Variants in NCOR2 observed in about 807,000 individuals in gnomAD.
NCOR2 encodes nuclear receptor corepressor 2, also known as CTG repeat protein 26.
In NCOR2, 81 loss-of-function variants were observed where a neutral mutation model predicts 262.9. The ratio of observed to expected loss-of-function variants is 0.31; its 90% CI spans 0.26 to 0.37. The LOEUF (loss-of-function observed/expected upper bound fraction) is 0.37, where lower values mean the gene tolerates loss of function less well. NCOR2 is among the 10% of genes least tolerant of loss of function. The pLI, the probability that NCOR2 is intolerant of heterozygous loss-of-function variation, is 1.00. For missense variants in NCOR2, 3,385 were observed against 3,621.4 expected (o/e 0.93, Z 1.68); for synonymous variants, 1,659 against 1,559.3 (o/e 1.06, Z -1.51).
rs1221598516 is a variant in NCOR2, at chr12:124,517,153, G to A, written c.-118+18412C>T. Among the ~76,000 whole-genome samples, 1 of 151,982 alleles carries A rather than the reference G, an allele frequency of 6.6e-6. No individual in the cohort carries two copies. On this transcript the variant is annotated intron_variant, in intron 1 of 46. Coordinates refer to the NCOR2 transcript ENST00000404621. The surrounding 1 kb of genome is among the most constrained non-coding windows in gnomAD (Gnocchi z 7.6). ...AGACGAGGAAACTGAGGTCTGCAAA[G>A]GGGAGGCAACACGCCCAAGGTCACA... is the stretch of plus-strand genomic sequence containing the variant.
intron 28 of NCOR2, 70 bp from the exon 31 acceptor site, chr12:124,348,384 A>G: frequency 6.6e-7 from 1 of 1,521,564 alleles, no homozygotes; most frequent in Non-Finnish European, 8.8e-7. Context: ...CAGGCAGGAC[A>G]GGCAGAGCCG....
At chr12:124,478,629 A>T (rs1379926315) in intron 3 of NCOR2, among the ~76,000 whole-genome samples, 1 of 152,066 alleles carries the variant, frequency 6.6e-6, no homozygotes, top group East Asian at 1.9e-4. Context: ...CACGGCCTGG[A>T]GCAATTACTG....
chr12:124,335,040 C>T, intron 40 of NCOR2, 95 bp downstream of exon 42: 1 of 1,589,528 alleles, frequency 6.3e-7, no homozygotes. Context: ...GCCACCCCGC[C>T]AGGACAGAAG....
exon 23 of NCOR2, chr12:124,356,729 C>A: frequency 2.7e-6 from 4 of 1,498,834 alleles, no homozygotes; most frequent in Non-Finnish European, 3.5e-6. Flanking sequence ...AAGGGCAGGC[C>A]GGAAGTCCAG....
intron 43 of NCOR2, 54 bp downstream of exon 45, chr12:124,332,265 G>A (rs2035264183): frequency 6.2e-7 from 1 of 1,604,156 alleles, no homozygotes; most frequent in Non-Finnish European, 8.5e-7. Context: ...GCCCAGGCAG[G>A]CCACCCGCCC....
At chr12:124,534,839 G>T (rs903140108) in intron 1 of NCOR2, among the ~76,000 whole-genome samples, 1 of 152,218 alleles carries the variant, frequency 6.6e-6, no homozygotes, top group Non-Finnish European at 1.5e-5. Flanking sequence ...ACCCATTCTG[G>T]AGTGTTGCTG....
chr12:124,348,062 A>T, intron 29 of NCOR2, 112 bp downstream of exon 31: 1 of 1,535,884 alleles, frequency 6.5e-7, no homozygotes, highest in Admixed American at 1.8e-5. Context: ...CTACCTCCAG[A>T]TGGAGCCTCA....
At chr12:124,562,800 G>T (rs780807704) in intron 1 of NCOR2, among the ~76,000 whole-genome samples, 2 of 152,176 alleles carry the variant, frequency 1.3e-5, no homozygotes, top group African/African-American at 4.8e-5. Flanking sequence ...GTTGATATCC[G>T]AGCAGCCTGT....
intron 11 of NCOR2, among the ~76,000 whole-genome samples, chr12:124,423,636 G>A (rs576418481): frequency 3.9e-5 from 6 of 152,220 alleles, no homozygotes; most frequent in Non-Finnish European, 7.4e-5. Context: ...TTTCCTCTCC[G>A]CTCCCTCTCC....
chr12:124,476,920 A>G (rs924421565), intron 3 of NCOR2, among the ~76,000 whole-genome samples: 45 of 141,940 alleles, frequency 3.2e-4, no homozygotes, highest in African/African-American at 9.4e-4. Flanking sequence ...AAAAAAAAAA[A>G]GGAATGAAGC....
chr12:124,360,121 T>C (rs1201811892), intron 22 of NCOR2, among the ~76,000 whole-genome samples: 1 of 152,172 alleles, frequency 6.6e-6, no homozygotes, highest in Non-Finnish European at 1.5e-5. Context: ...ACCGTGCAGT[T>C]CCAGCCCTGA....
At chr12:124,518,199 C>T (rs1325827984) in intron 1 of NCOR2, 2 of 152,356 alleles carry the variant, frequency 1.3e-5, no homozygotes, top group East Asian at 1.9e-4. Context: ...GTAACTCTCT[C>T]ACAAGAAAAA....
chr12:124,388,677 T>G (rs748908259), intron 16 of NCOR2: 10 of 1,304,372 alleles, frequency 7.7e-6, no homozygotes, highest in Non-Finnish European at 8.1e-6. Flanking sequence ...CCAGGACCAC[T>G]CACTCACATC....
chr12:124,372,005 G>T lies in NCOR2; in HGVS notation c.2807+17C>A, dbSNP rs780370514. 13 of 1,570,308 alleles carry T rather than the reference G, an allele frequency of 8.3e-6. No individual in the cohort carries two copies. On this transcript the variant is annotated intron_variant, in intron 20 of 46. Transcript: ENST00000405201. ...GCAGACAAAAGCCAAGGTTAGGGCT[G>T]CCTGGCGCCCACTCACCGGTTCTTG...
intron 17 of NCOR2, among the ~76,000 whole-genome samples, chr12:124,384,656 C>T (rs886670797): frequency 4.6e-5 from 7 of 152,192 alleles, no homozygotes; most frequent in Non-Finnish European, 7.3e-5. Flanking sequence ...TATACCTGGT[C>T]CTCCCACTGC....
At chr12:124,337,966 G>C (rs1360029495) in intron 37 of NCOR2, among the ~76,000 whole-genome samples, 3 of 152,246 alleles carry the variant, frequency 2.0e-5, no homozygotes, top group Non-Finnish European at 4.4e-5. Context: ...TGAATCGGCT[G>C]TCACGGGCAT....
chr12:124,527,441 G>A (rs947974241), intron 1 of NCOR2, among the ~76,000 whole-genome samples: 2 of 151,276 alleles, frequency 1.3e-5, no homozygotes, highest in Admixed American at 6.6e-5. Flanking sequence ...TTTTTGAGGT[G>A]GAGTCTTGCT....
At chr12:124,372,478 G>T in exon 20 of NCOR2, 1 of 1,570,032 alleles carries the variant, frequency 6.4e-7, no homozygotes, top group Non-Finnish European at 8.6e-7. Context: ...CGGTGGTGGG[G>T]TGGGTGGCCC....
intron 1 of NCOR2, among the ~76,000 whole-genome samples, chr12:124,545,031 A>G (rs2051496672): frequency 6.6e-6 from 1 of 152,128 alleles, no homozygotes; most frequent in African/African-American, 2.4e-5. Flanking sequence ...AACGGGGATG[A>G]TGCCAGGGGC....
Sources: gnomAD v4.1 joint callset for allele counts (sites outside exome capture counted in the v4.1 genomes callset) on GRCh38, gnomAD v4.1.1 for gene constraint, Gnocchi (gnomAD v3.1) non-coding constraint, MANE v1.5 for transcripts, NCBI Gene and HGNC (gene_info 2026-07-23, HGNC 2026-07-21) for gene names.